The following ABCD3 variants were observed in gnomAD, a reference collection of about 807,000 sequenced individuals.
ABCD3 encodes the protein ATP-binding cassette sub-family D member 3.
Under a neutral mutation model 105.5 loss-of-function variants are expected in ABCD3, and 41 were observed. The observed-to-expected ratio is 0.39, with a 90% CI of 0.30 to 0.50. The LOEUF (loss-of-function observed/expected upper bound fraction) is 0.50, where lower values mean the gene tolerates loss of function less well. Ranked by LOEUF, ABCD3 falls within the 20% of genes least tolerant of loss-of-function variation. The pLI is 0.84. For missense variants in ABCD3, 622 were observed against 806.3 expected (o/e 0.77, Z 2.77); for synonymous variants, 258 against 269.0 (o/e 0.96, Z 0.40).
intron 1 of ABCD3, among the ~76,000 whole-genome samples, chr1:94,453,040 C>G (rs1647331478): frequency 6.6e-6 from 1 of 152,132 alleles, no homozygotes; most frequent in Admixed American, 6.5e-5. Context: ...AAGTGCTCGG[C>G]CTTCCAAAGT....
intron 22 of ABCD3, among the ~76,000 whole-genome samples, chr1:94,515,937 T>C (rs368858682): frequency 1.3e-5 from 2 of 151,520 alleles, no homozygotes; most frequent in South Asian, 2.1e-4. Flanking sequence ...CTAAATGATA[T>C]AGAAATTTTA....
intron 4 of ABCD3, among the ~76,000 whole-genome samples, chr1:94,473,201 G>C (rs982470195): frequency 7.9e-5 from 12 of 152,070 alleles, no homozygotes; most frequent in African/African-American, 2.9e-4. Flanking sequence ...TTTTGGTAAA[G>C]TTTTATTAGA....
At chr1:94,404,252 T>C in the ABCD3 span, among the ~76,000 whole-genome samples, 1 of 152,178 alleles carries the variant, frequency 6.6e-6, no homozygotes, top group African/African-American at 2.4e-5. Flanking sequence ...TTAAACAGTT[T>C]AAGAATTACT....
At chr1:94,494,635 A>G (rs1649708394) in intron 16 of ABCD3, among the ~76,000 whole-genome samples, 2 of 152,164 alleles carry the variant, frequency 1.3e-5, no homozygotes, top group African/African-American at 4.8e-5. Flanking sequence ...TTCCTACTTT[A>G]TGATTCATTT....
intron 21 of ABCD3, among the ~76,000 whole-genome samples, chr1:94,508,971 C>T (rs1650508832): frequency 1.3e-5 from 2 of 152,242 alleles, no homozygotes; most frequent in Middle Eastern, 3.4e-3. Flanking sequence ...ATTGAATACC[C>T]TTTATTTCCT....
At chr1:94,505,371 A>ATT (rs71097204) in intron 20 of ABCD3, among the ~76,000 whole-genome samples, 2 of 118,836 alleles carry the variant, frequency 1.7e-5, no homozygotes, top group African/African-American at 3.2e-5. Flanking sequence ...TGCTTGGCTA[A>ATT]TTTTTTTTTT....
chr1:94,392,961 A>T, the ABCD3 span, among the ~76,000 whole-genome samples: 1 of 151,696 alleles, frequency 6.6e-6, no homozygotes, highest in Non-Finnish European at 1.5e-5. Flanking sequence ...AAAATACAAA[A>T]ATTAGCTGGT....
intron 21 of ABCD3, among the ~76,000 whole-genome samples, chr1:94,510,185 T>C (rs1650592118): frequency 6.6e-6 from 1 of 152,152 alleles, no homozygotes; most frequent in Admixed American, 6.6e-5. Context: ...TTCTGGTATG[T>C]TGTGTCTTTG....
At chr1:94,482,539 C>T (rs1187455802) in intron 9 of ABCD3, 1 of 152,418 alleles carries the variant, frequency 6.6e-6, no homozygotes, top group African/African-American at 2.4e-5. Context: ...TACAAATTTA[C>T]TTAACTACAC....
chr1:94,392,180 C>T, the ABCD3 span, among the ~76,000 whole-genome samples: 1 of 152,204 alleles, frequency 6.6e-6, no homozygotes, highest in South Asian at 2.1e-4. Flanking sequence ...AATTCTTCTT[C>T]TCTTTCTTAA....
At chr1:94,426,652 C>T (rs1406461289) in intron 1 of ABCD3, among the ~76,000 whole-genome samples, 1 of 151,624 alleles carries the variant, frequency 6.6e-6, no homozygotes, top group African/African-American at 2.4e-5. Context: ...AAGTGATTAT[C>T]TTGCCTCACC....
Position 94,418,440 on chromosome 1 carries a change from G to A in ABCD3, c.-39G>A, listed in dbSNP as rs777189978. 3 of 1,549,368 alleles carry A rather than the reference G, an allele frequency of 1.9e-6. No homozygotes were observed. Among genetic ancestry groups the A allele is most frequent in the African/African-American group, 1.4e-5 (1 of 73,154 alleles). On this transcript the variant is annotated 5_prime_UTR_variant, in exon 1 of 23. Coordinates refer to ENST00000370214, the MANE Select transcript of ABCD3 (RefSeq NM_002858.4). ...TAAGGTAGCCGCCGCCGCCGCCGCCGCCGCGTCCCCTCGCCGGCTCGCTGG... is the reference window on the plus strand; with the variant it reads ...TAAGGTAGCCGCCGCCGCCGCCGCCACCGCGTCCCCTCGCCGGCTCGCTGG...
intron 1 of ABCD3, among the ~76,000 whole-genome samples, chr1:94,427,885 T>C (rs1029530029): frequency 6.6e-6 from 1 of 152,206 alleles, no homozygotes; most frequent in Non-Finnish European, 1.5e-5. Context: ...ATGGCTTTCA[T>C]CATAACATTC....
the ABCD3 span, among the ~76,000 whole-genome samples, chr1:94,394,076 T>A: frequency 0.08 from 12,219 of 152,258 alleles, 528 homozygotes; most frequent in South Asian, 0.13. Context: ...AGCAGTTATT[T>A]TAATATGCCT....
intron 1 of ABCD3, among the ~76,000 whole-genome samples, chr1:94,432,957 C>T (rs1659747038): frequency 6.6e-6 from 1 of 151,660 alleles, no homozygotes; most frequent in South Asian, 2.1e-4. Context: ...TGGGTTCAAG[C>T]AATTCTCCTG....
At chr1:94,399,098 A>T in the ABCD3 span, among the ~76,000 whole-genome samples, 1 of 152,194 alleles carries the variant, frequency 6.6e-6, no homozygotes, top group Non-Finnish European at 1.5e-5. Context: ...AAATGCACAA[A>T]GTCATGTACT....
intron 16 of ABCD3, among the ~76,000 whole-genome samples, chr1:94,491,710 A>G (rs1194891432): frequency 1.3e-5 from 2 of 152,126 alleles, no homozygotes; most frequent in African/African-American, 4.8e-5. Context: ...CTCACCTAAA[A>G]CAAGTAAAAT....
Position 94,466,762 on chromosome 1 carries a change from T to C in ABCD3, c.247-1157T>C, listed in dbSNP as rs113857336. 9.2e-3 allele frequency among the ~76,000 whole-genome samples: 1,409 copies of C among 152,340 alleles called. 27 individuals are homozygous for C. The highest frequency in any genetic ancestry group is 0.033 in the African/African-American group (1,363 of 41,566). ...TGTTACCTTCCAATCAGTTAACAGC[T>C]TAATGTTCATTTTAACTATTGCAGG... On this transcript the variant is annotated intron_variant, in intron 3 of 22. Transcript: ENST00000370214.
chr1:94,444,385 A>C (rs1165426402), intron 1 of ABCD3, among the ~76,000 whole-genome samples: 4 of 150,790 alleles, frequency 2.7e-5, no homozygotes, highest in Non-Finnish European at 5.9e-5. Context: ...GGCTGGTCTC[A>C]AACTCCTGGA....
Sources: allele counts gnomAD v4.1 joint callset (sites outside exome capture counted in the v4.1 genomes callset), GRCh38; gene constraint gnomAD v4.1.1; transcripts MANE v1.5; gene names NCBI Gene and HGNC (gene_info 2026-07-23, HGNC 2026-07-21).